Variants in SRBD1 observed in about 807,000 individuals in gnomAD.
SRBD1 encodes the protein S1 RNA-binding domain-containing protein 1.
A neutral mutation model predicts 115.3 loss-of-function variants in SRBD1; 88 were observed. The observed-to-expected ratio is 0.76, with a 90% confidence interval of 0.64 to 0.91. The LOEUF (loss-of-function observed/expected upper bound fraction) is 0.91, where lower values mean the gene tolerates loss of function less well. Ranked by LOEUF, SRBD1 falls within the 40% of genes least tolerant of loss-of-function variation. The pLI, the probability that SRBD1 is intolerant of heterozygous loss-of-function variation, is 0.00. For synonymous variants in SRBD1, 509 were observed against 407.7 expected, an observed-to-expected ratio of 1.25 and a Z score of -2.99; for missense variants, 1,385 against 1,177.4, an observed-to-expected ratio of 1.18 and a Z score of -2.58.
At chr2:45,561,573 T>A (rs144248212) in intron 10 of SRBD1, among the ~76,000 whole-genome samples, 1 of 152,220 alleles carries the variant, frequency 6.6e-6, no homozygotes, top group Admixed American at 6.5e-5. Flanking sequence ...TAGCTGGTGA[T>A]GAACTTTATC....
chr2:45,435,967 C>A (rs1668486248), intron 16 of SRBD1, among the ~76,000 whole-genome samples: 1 of 152,002 alleles, frequency 6.6e-6, no homozygotes, highest in Non-Finnish European at 1.5e-5. Flanking sequence ...AAGAAAATGA[C>A]AGATCAGTAT....
chr2:45,569,218 T>C (rs2104130915), intron 9 of SRBD1: 1 of 152,366 alleles, frequency 6.6e-6, no homozygotes, highest in Admixed American at 6.5e-5. Flanking sequence ...GTCCCACTGT[T>C]GACCAGGCTG....
chr2:45,547,842 T>A (rs914241809), intron 12 of SRBD1, among the ~76,000 whole-genome samples: 1 of 152,220 alleles, frequency 6.6e-6, no homozygotes, highest in Non-Finnish European at 1.5e-5. Flanking sequence ...AATTGGAGAA[T>A]ATGCTAGGAT....
chr2:45,484,791 T>C (rs1251492575), intron 15 of SRBD1, among the ~76,000 whole-genome samples: 2 of 152,196 alleles, frequency 1.3e-5, no homozygotes, highest in African/African-American at 4.8e-5. Context: ...CAGTTTTCAA[T>C]CTCTACAGAT....
intron 16 of SRBD1, among the ~76,000 whole-genome samples, chr2:45,432,969 T>C (rs560843391): frequency 1.3e-4 from 20 of 152,304 alleles, no homozygotes; most frequent in South Asian, 4.1e-4. Flanking sequence ...TAACAACTAT[T>C]ATTTTTTTAA....
chr2:45,541,271 G>A (rs1241734977), intron 14 of SRBD1, among the ~76,000 whole-genome samples: 6 of 152,232 alleles, frequency 3.9e-5, no homozygotes, highest in African/African-American at 7.2e-5. Flanking sequence ...CCTGGAAGGT[G>A]GGAGATGCCA....
At position 45,393,030 on chromosome 2, in the gene SRBD1, A is replaced by T. The variant is rs963512191; in HGVS notation, c.2613T>A (p.Ile871=). ...SFLEKEGMEK[I]AERLQTTVHT... ...GTACTGTTGTTTGCAATCTTTCTGC[A>T]ATTTTCTCCATTCCTTCCTTTTCAA... Residue 871 remains isoleucine, a synonymous_variant, in exon 20 of 21, where the codon ATT becomes ATA. Coordinates refer to ENST00000263736, the MANE Select transcript of SRBD1 (RefSeq NM_018079.5). 1 of 1,613,922 alleles carries T rather than the reference A, an allele frequency of 6.2e-7. No homozygotes were observed. The highest frequency in any genetic ancestry group is 1.3e-5 in the African/African-American group (1 of 74,918).
chr2:45,516,600 T>C (rs1404532528), intron 14 of SRBD1, among the ~76,000 whole-genome samples: 1 of 152,236 alleles, frequency 6.6e-6, no homozygotes, highest in African/African-American at 2.4e-5. Flanking sequence ...TTCTCTACAT[T>C]GCTCTTTGGA....
intron 16 of SRBD1, among the ~76,000 whole-genome samples, chr2:45,442,477 T>C (rs1668699073): frequency 6.6e-6 from 1 of 152,204 alleles, no homozygotes; most frequent in Non-Finnish European, 1.5e-5. Context: ...ACAGACTAAC[T>C]GTGCCGTGGA....
At chr2:45,597,590 A>G (rs561923609) in intron 4 of SRBD1, among the ~76,000 whole-genome samples, 13 of 152,364 alleles carry the variant, frequency 8.5e-5, no homozygotes, top group African/African-American at 2.6e-4. Flanking sequence ...GAAGCAGCAG[A>G]AATTGGTGAT....
intron 7 of SRBD1, among the ~76,000 whole-genome samples, chr2:45,578,467 A>G (rs1673245133): frequency 2.0e-5 from 3 of 152,356 alleles, no homozygotes; most frequent in African/African-American, 7.2e-5. Flanking sequence ...CATTAAGATT[A>G]AGTGTGTTTG....
chr2:45,520,067 A>C (rs1278890859), intron 14 of SRBD1, among the ~76,000 whole-genome samples: 1 of 152,234 alleles, frequency 6.6e-6, no homozygotes, highest in Non-Finnish European at 1.5e-5. Flanking sequence ...AGAGACACTA[A>C]CAGGACAAAA....
intron 20 of SRBD1, among the ~76,000 whole-genome samples, chr2:45,392,155 G>A (rs1387052368): frequency 6.6e-6 from 1 of 152,060 alleles, no homozygotes; most frequent in African/African-American, 2.4e-5. Context: ...ACAGAAGAAG[G>A]AATAGTACAA....
At chr2:45,517,678 A>T (rs1394508838) in intron 14 of SRBD1, among the ~76,000 whole-genome samples, 1 of 152,120 alleles carries the variant, frequency 6.6e-6, no homozygotes, top group Non-Finnish European at 1.5e-5. Context: ...GTACAAGAGT[A>T]ACTTATGATA....
intron 19 of SRBD1, among the ~76,000 whole-genome samples, chr2:45,407,580 T>C (rs1667475015): frequency 6.6e-6 from 1 of 152,168 alleles, no homozygotes; most frequent in Non-Finnish European, 1.5e-5. Context: ...TATCACAGTG[T>C]TCTGTACATT....
intron 9 of SRBD1, 58 bp downstream of exon 9, chr2:45,573,149 A>G: frequency 6.7e-7 from 1 of 1,497,692 alleles, no homozygotes; most frequent in Non-Finnish European, 8.9e-7. Context: ...GTAGCAGGCA[A>G]ATCCAAAATA....
At chr2:45,413,866 C>G (rs932243885) in intron 18 of SRBD1, among the ~76,000 whole-genome samples, 1 of 151,628 alleles carries the variant, frequency 6.6e-6, no homozygotes, top group African/African-American at 2.4e-5. Context: ...TGGCAGGCGG[C>G]GGTTGCAGTG....
chr2:45,444,670 A>G (rs891448306), intron 16 of SRBD1, among the ~76,000 whole-genome samples: 3 of 152,212 alleles, frequency 2.0e-5, no homozygotes, highest in African/African-American at 7.2e-5. Context: ...AATCACATAC[A>G]TATGTTAGTT....
chr2:45,432,111 C>A (rs1308486355), intron 16 of SRBD1, among the ~76,000 whole-genome samples: 1 of 151,974 alleles, frequency 6.6e-6, no homozygotes, highest in African/African-American at 2.4e-5. Context: ...CTCACAACAA[C>A]CTCCGCCTCC....
Sources: gnomAD v4.1 joint callset for allele counts (sites outside exome capture counted in the v4.1 genomes callset) on GRCh38, gnomAD v4.1.1 for gene constraint, MANE v1.5 for transcripts, NCBI Gene and HGNC (gene_info 2026-07-23, HGNC 2026-07-21) for gene names.